APLP2: variants seen among roughly 807,000 people sequenced by gnomAD.
APLP2 encodes amyloid beta precursor like protein 2, also known as CDEI box-binding protein.
In APLP2, 53 loss-of-function variants were observed where a neutral mutation model predicts 89.9. The observed-to-expected ratio is 0.59, with a 90% CI of 0.47 to 0.74. The LOEUF (loss-of-function observed/expected upper bound fraction) is 0.74, where lower values mean the gene tolerates loss of function less well. Ranked by LOEUF, APLP2 falls within the 30% of genes least tolerant of loss-of-function variation. The pLI, the probability that APLP2 is intolerant of heterozygous loss-of-function variation, is 0.00. For synonymous variants in APLP2, 372 were observed against 348.6 expected, an observed-to-expected ratio of 1.07 and a Z score of -0.75; for missense variants, 973 against 975.9, an observed-to-expected ratio of 1.00 and a Z score of 0.04.
chr11:130,126,931 T>C (rs1950432019), intron 8 of APLP2, 101 bp downstream of exon 8: 1 of 1,533,670 alleles, frequency 6.5e-7, no homozygotes. Flanking sequence ...ATTGTCATGC[T>C]GATGTATAAG....
chr11:130,116,571 G>A (rs1402584181), intron 3 of APLP2, among the ~76,000 whole-genome samples: 2 of 151,860 alleles, frequency 1.3e-5, no homozygotes, highest in African/African-American at 2.4e-5. Context: ...CTGCGGCCTT[G>A]GTCCTGCGTG....
Position 130,143,504 on chromosome 11 carries a change from A to T in APLP2, c.*56A>T, listed in dbSNP as rs1232765748. 6.2e-6 allele frequency: 9 copies of T among 1,459,520 alleles called. No homozygotes were observed. In the South Asian group the frequency reaches 7.9e-5, roughly 13 times the overall value. 90.4% of individuals were successfully genotyped at this position (1,459,520 alleles called of 1,614,324 possible). ...GGATGCAGGTGGGCCGGAAGATCCCACGATTCCGATCGACTGCCAAGCAGC... is the reference window on the plus strand; with the variant it reads ...GGATGCAGGTGGGCCGGAAGATCCCTCGATTCCGATCGACTGCCAAGCAGC... On this transcript the variant is annotated 3_prime_UTR_variant, in exon 17 of 17. Transcript: ENST00000338167.
At chr11:130,103,253 G>A (rs1480387343) in intron 1 of APLP2, among the ~76,000 whole-genome samples, 1 of 152,214 alleles carries the variant, frequency 6.6e-6, no homozygotes, top group African/African-American at 2.4e-5. Flanking sequence ...TGTTTGATTA[G>A]TTGACTCCTA....
intron 16 of APLP2, among the ~76,000 whole-genome samples, chr11:130,142,756 G>A (rs572521484): frequency 4.2e-4 from 64 of 152,172 alleles, no homozygotes; most frequent in African/African-American, 1.4e-3. Flanking sequence ...TGAGACTACA[G>A]GTGTGTGCCA....
At chr11:130,111,881 A>G (rs1266929239) in intron 3 of APLP2, among the ~76,000 whole-genome samples, 2 of 152,250 alleles carry the variant, frequency 1.3e-5, no homozygotes, top group Non-Finnish European at 2.9e-5. Flanking sequence ...ATTTGTAGAC[A>G]GTGGATAGAA....
At chr11:130,127,989 C>A in intron 9 of APLP2, 149 bp downstream of exon 9, 1 of 669,862 alleles carries the variant, frequency 1.5e-6, no homozygotes, top group South Asian at 1.9e-5. Context: ...TTTTCTTTTT[C>A]ACCTCAAGTA....
chr11:130,109,550 G>C lies in APLP2; in HGVS notation c.227G>C (p.Gly76Ala). Residue 76 changes from glycine (G) to alanine (A), a missense_variant, in exon 2 of 17, where the codon GGC becomes GCC. By Grantham distance (60) the Gly-to-Ala change is moderately conservative. Transcript: ENST00000338167. ...QTGKWEPDPT[G>A]TKSCFETKEE... is the part of the protein sequence containing the mutation. ...GGGAAATGGGAACCTGATCCAACAGGCACCAAGAGCTGCTTTGAAACAAAA... is the reference window on the plus strand; with the variant it reads ...GGGAAATGGGAACCTGATCCAACAGCCACCAAGAGCTGCTTTGAAACAAAA... The C allele has an allele frequency of 6.2e-7, 1 of 1,613,528 alleles. No individual in the cohort carries two copies. The highest frequency in any genetic ancestry group is 8.5e-7 in the Non-Finnish European group (1 of 1,179,738).
intron 13 of APLP2, among the ~76,000 whole-genome samples, chr11:130,137,977 A>G (rs189591026): frequency 6.6e-6 from 1 of 152,184 alleles, no homozygotes; most frequent in Non-Finnish European, 1.5e-5. Flanking sequence ...TATTTTCTAG[A>G]TTAGACAATT....
At chr11:130,116,948 G>A (rs1037896714) in intron 3 of APLP2, among the ~76,000 whole-genome samples, 6 of 151,916 alleles carry the variant, frequency 3.9e-5, no homozygotes, top group South Asian at 2.1e-4. Flanking sequence ...TGACCAACAC[G>A]GTGAAACCCC....
chr11:130,075,747 C>A (rs996733441), intron 1 of APLP2, among the ~76,000 whole-genome samples: 4 of 152,196 alleles, frequency 2.6e-5, no homozygotes, highest in African/African-American at 7.2e-5. Flanking sequence ...CCAGCTCGAC[C>A]AGGGGAAGGA....
Position 130,070,051 on chromosome 11 carries a change from C to T in APLP2, c.74C>T (p.Ala25Val). The T allele has an allele frequency of 6.7e-7, 1 of 1,503,580 alleles. No individual in the cohort carries two copies. Among genetic ancestry groups the T allele is most frequent in the Non-Finnish European group, 8.8e-7 (1 of 1,134,548 alleles). The allele number at this position is 1,503,580 out of a possible 1,614,324, so 93.1% of individuals were successfully genotyped here. A position where few individuals can be genotyped will look rare whatever the true frequency, so the allele number is the denominator to read the frequency against. ...CTTCTGCTGCTGGTGGGGCTCACGG[C>T]GCCTGCCTTGGCGCTGGCCGGCTAC... is the stretch of plus-strand genomic sequence containing the variant. ...LLLLLLVGLT[A>V]PALALAGYIE... The change falls in exon 1 of 17, where the codon GCG becomes GTG. Residue 25 changes from alanine to valine, a missense_variant. Transcript: ENST00000338167.
chr11:130,125,436 G>A (rs1351917739), intron 7 of APLP2, among the ~76,000 whole-genome samples: 1 of 152,162 alleles, frequency 6.6e-6, no homozygotes, highest in African/African-American at 2.4e-5. Flanking sequence ...GAGTGTCTTG[G>A]GGAATGGCAT....
At chr11:130,093,342 G>A (rs1591784567) in intron 1 of APLP2, among the ~76,000 whole-genome samples, 1 of 152,212 alleles carries the variant, frequency 6.6e-6, no homozygotes, top group East Asian at 1.9e-4. Context: ...GCAACTTGAA[G>A]GCAATGTAGG....
At chr11:130,091,538 G>C (rs1476752306) in intron 1 of APLP2, among the ~76,000 whole-genome samples, 12 of 140,722 alleles carry the variant, frequency 8.5e-5, no homozygotes, top group East Asian at 4.9e-4. Flanking sequence ...TGGCCGGGCG[G>C]GGGGCTGACC....
intron 1 of APLP2, 42 bp downstream of exon 1, chr11:130,070,124 G>A (rs1370096879): frequency 3.9e-6 from 5 of 1,269,908 alleles, no homozygotes; most frequent in East Asian, 6.5e-5. Context: ...TCCTTCGCCC[G>A]CCGGAGGAGC....
rs1265818265 is a variant in APLP2, at chr11:130,070,627, G to A, written c.105+545G>A. ...GCGCGGCAGGGATGCTGCGAGCCCC[G>A]GGGGAGCTCCCGCGCCAGGCCGCCC... On this transcript the variant is annotated intron_variant, in intron 1 of 16. Coordinates refer to ENST00000338167, the MANE Select transcript of APLP2 (RefSeq NM_001142276.2). The A allele has an allele frequency of 4.8e-6, 7 of 1,449,552 alleles. 1 individual carries two copies. The South Asian group carries it at 8.0e-5, about 17-fold the overall frequency. 89.8% of individuals were successfully genotyped at this position (1,449,552 alleles called of 1,614,324 possible). A position where few individuals can be genotyped will look rare whatever the true frequency, so the allele number is the denominator to read the frequency against.
At chr11:130,134,656 C>T (rs1019242983) in intron 12 of APLP2, among the ~76,000 whole-genome samples, 37 of 152,246 alleles carry the variant, frequency 2.4e-4, no homozygotes, top group African/African-American at 7.2e-4. Context: ...AGCCAGGAAG[C>T]GATTTTAGAA....
rs56010614 is a variant in APLP2 at position 130,134,759 on chromosome 11, G to C, written c.1685-804G>C. ...GACAGCTGGGGATGGTCTGTAGGAT[G>C]TGTTCTGGTGGGAGTGTGTGGGGCT... On this transcript the variant is annotated intron_variant, in intron 12 of 16. Coordinates refer to ENST00000338167, the MANE Select transcript of APLP2 (RefSeq NM_001142276.2). Among the ~76,000 whole-genome samples the C allele has an allele frequency of 4.2e-3, 645 of 152,322 alleles. 2 individuals are homozygous for C. The highest frequency in any genetic ancestry group is 6.4e-3 in the Non-Finnish European group (438 of 68,030).
chr11:130,091,752 G>A (rs1169586552), intron 1 of APLP2, among the ~76,000 whole-genome samples: 2 of 149,212 alleles, frequency 1.3e-5, no homozygotes, highest in East Asian at 2.1e-4. Flanking sequence ...GGACGGCACG[G>A]CTGGCCAGGC....
Sources: gnomAD v4.1 joint callset for allele counts (sites outside exome capture counted in the v4.1 genomes callset) on GRCh38, gnomAD v4.1.1 for gene constraint, MANE v1.5 for transcripts, NCBI Gene and HGNC (gene_info 2026-07-23, HGNC 2026-07-21) for gene names.